PTPRJ: variants seen among roughly 807,000 people sequenced by gnomAD.
The protein encoded by PTPRJ is protein tyrosine phosphatase receptor type J.
A neutral mutation model predicts 141.3 loss-of-function variants in PTPRJ; 129 were observed. That is an observed-to-expected ratio of 0.91 (90% CI 0.79 to 1.06). The LOEUF (loss-of-function observed/expected upper bound fraction) is 1.06. Among genes scored for constraint, PTPRJ ranks in the 50% least tolerant of loss-of-function variants. The pLI, the probability that PTPRJ is intolerant of heterozygous loss-of-function variation, is 0.00. For missense variants in PTPRJ, 1,601 were observed against 1,679.7 expected (o/e 0.95, Z 0.82); for synonymous variants, 610 against 640.5 (o/e 0.95, Z 0.72).
In PTPRJ at chr11:48,169,373, C is replaced by T. The variant is rs1590579223; in HGVS notation, c.*2011C>T. 1.3e-5 allele frequency: 2 copies of T among 152,282 alleles called. No individual in the cohort carries two copies. The highest frequency in any genetic ancestry group is 4.8e-5 in the African/African-American group (2 of 41,540). 9.4% of individuals were successfully genotyped at this position (152,282 alleles called of 1,614,324 possible). A position where few individuals can be genotyped will look rare whatever the true frequency, so the allele number is the denominator to read the frequency against. ...GCCCGGCTAGGGTGGGCCCTCTTGA[C>T]CTAACTTCAGAGGGGGCCTTGGCTC... On this transcript the variant is annotated 3_prime_UTR_variant, in exon 25 of 25. Transcript: ENST00000418331.
intron 1 of PTPRJ, among the ~76,000 whole-genome samples, chr11:48,093,097 T>C (rs951564144): frequency 2.6e-5 from 4 of 152,366 alleles, no homozygotes; most frequent in Middle Eastern, 3.4e-3. Flanking sequence ...TGTGTTACTC[T>C]CGTTTTTATA....
chr11:48,120,402 G>T (rs925172274), intron 3 of PTPRJ, among the ~76,000 whole-genome samples: 2 of 152,104 alleles, frequency 1.3e-5, no homozygotes, highest in African/African-American at 2.4e-5. Context: ...AGAATGGGGA[G>T]AGGGACTCAT....
At position 48,046,405 on chromosome 11, in the gene PTPRJ, T is replaced by C. The variant is rs184264266; in HGVS notation, c.97-63653T>C. 5 of 151,966 alleles carry C rather than the reference T, an allele frequency of 3.3e-5. No individual in the cohort carries two copies. In the East Asian group the frequency reaches 9.6e-4, roughly 29 times the overall value. 9.4% of individuals were successfully genotyped at this position (151,966 alleles called of 1,614,324 possible). ...GGTACAATGGGCTAATATCTCTGTC[T>C]TATAGGTAAGGAAATGGAGACTAAG... On this transcript the variant is annotated intron_variant, in intron 1 of 24. Transcript: ENST00000418331.
intron 1 of PTPRJ, among the ~76,000 whole-genome samples, chr11:48,061,241 G>T (rs1854914019): frequency 6.6e-6 from 1 of 152,162 alleles, no homozygotes; most frequent in Non-Finnish European, 1.5e-5. Flanking sequence ...CTCCCAAAAT[G>T]CTGGGATTAC....
intron 1 of PTPRJ, among the ~76,000 whole-genome samples, chr11:48,054,229 C>T (rs370302269): frequency 6.6e-5 from 10 of 152,296 alleles, no homozygotes; most frequent in East Asian, 5.8e-4. Context: ...CCATGGCGCC[C>T]GGCCCTAGTT....
chr11:48,026,737 C>T (rs1014446045), intron 1 of PTPRJ, among the ~76,000 whole-genome samples: 5 of 151,894 alleles, frequency 3.3e-5, no homozygotes, highest in African/African-American at 1.2e-4. Context: ...TGTGAGCCAC[C>T]GTGCCTGGCC....
intron 1 of PTPRJ, among the ~76,000 whole-genome samples, chr11:48,041,554 G>A (rs1854273240): frequency 6.6e-6 from 1 of 152,182 alleles, no homozygotes; most frequent in African/African-American, 2.4e-5. Context: ...GCATTATGAG[G>A]CACATGTAGG....
chr11:48,006,914 T>C (rs552056277), intron 1 of PTPRJ, among the ~76,000 whole-genome samples: 29 of 152,330 alleles, frequency 1.9e-4, no homozygotes, highest in African/African-American at 7.0e-4. Flanking sequence ...CAGTCATTTT[T>C]TTTTAATGAA....
chr11:48,096,782 C>T (rs1856015478), intron 1 of PTPRJ: 1 of 87,024 alleles, frequency 1.1e-5, no homozygotes. Context: ...TTTTGAGTCA[C>T]CTCGAGAGCT....
intron 1 of PTPRJ, among the ~76,000 whole-genome samples, chr11:48,021,421 AAAAT>A (rs1565261651): frequency 1.1e-5 from 1 of 92,806 alleles, no homozygotes; most frequent in East Asian, 2.6e-4. Flanking sequence ...ATAAATAAAT[AAAAT>A]AAAATAAAAT....
chr11:47,993,228 G>A (rs1294674942), intron 1 of PTPRJ, among the ~76,000 whole-genome samples: 1 of 152,188 alleles, frequency 6.6e-6, no homozygotes, highest in Non-Finnish European at 1.5e-5. Flanking sequence ...ATGGGTCAGC[G>A]TTGTGTGTTC....
intron 1 of PTPRJ, among the ~76,000 whole-genome samples, chr11:48,098,740 C>G (rs4424638): frequency 0.8 from 33,769 of 42,412 alleles, 15,053 homozygotes; most frequent in East Asian, 0.96. Context: ...AGGATGGTCC[C>G]GATCTCCTGA....
intron 1 of PTPRJ, among the ~76,000 whole-genome samples, chr11:48,015,490 C>G (rs1033050312): frequency 6.6e-6 from 1 of 152,108 alleles, no homozygotes; most frequent in Admixed American, 6.6e-5. Context: ...TTGCCTGGTT[C>G]TCTTGTTTGT....
At chr11:48,040,563 A>G (rs12290438) in intron 1 of PTPRJ, among the ~76,000 whole-genome samples, 10,120 of 150,736 alleles carry the variant, frequency 0.067, 1,100 homozygotes, top group African/African-American at 0.23. Flanking sequence ...AGGACAGGTG[A>G]CTGCTCACCT....
chr11:47,991,392 C>G (rs1160593748), intron 1 of PTPRJ, among the ~76,000 whole-genome samples: 1 of 152,214 alleles, frequency 6.6e-6, no homozygotes, highest in Admixed American at 6.5e-5. Context: ...GGTACATTTT[C>G]TGTGGCGGTC....
chr11:48,116,161 T>G (rs934493581), intron 3 of PTPRJ, among the ~76,000 whole-genome samples: 1 of 151,100 alleles, frequency 6.6e-6, no homozygotes, highest in African/African-American at 2.4e-5. Flanking sequence ...CTCAATAGTA[T>G]GCTGTCTACA....
intron 15 of PTPRJ, among the ~76,000 whole-genome samples, chr11:48,148,165 G>C (rs10742834): frequency 6.6e-6 from 1 of 151,986 alleles, no homozygotes; most frequent in East Asian, 1.9e-4. Flanking sequence ...CTGATTTTGG[G>C]GGGGGAAATG....
intron 1 of PTPRJ, among the ~76,000 whole-genome samples, chr11:48,054,873 A>G (rs1565279633): frequency 1.3e-5 from 2 of 151,018 alleles, no homozygotes; most frequent in African/African-American, 2.4e-5. Flanking sequence ...TGGAAGGAGT[A>G]ACTGAAGGGG....
At chr11:48,052,743 AC>A (rs1486215473) in intron 1 of PTPRJ, among the ~76,000 whole-genome samples, 6 of 152,272 alleles carry the variant, frequency 3.9e-5, no homozygotes, top group African/African-American at 1.4e-4. Context: ...ACCCTACCTT[AC>A]CGCCATTAAT....
Sources: gnomAD v4.1 joint callset for allele counts (sites outside exome capture counted in the v4.1 genomes callset) on GRCh38, gnomAD v4.1.1 for gene constraint, MANE v1.5 for transcripts, NCBI Gene and HGNC (gene_info 2026-07-23, HGNC 2026-07-21) for gene names.